Variants in TUSC3 observed in about 807,000 individuals in gnomAD.
TUSC3 encodes dolichyl-diphosphooligosaccharide--protein glycosyltransferase subunit TUSC3.
A neutral mutation model predicts 44.8 loss-of-function variants in TUSC3; 45 were observed. The observed-to-expected ratio is 1.00, with a 90% CI of 0.79 to 1.29. The LOEUF is 1.29. TUSC3 is among the 50% of genes most tolerant of loss of function. TUSC3 has a pLI of 0.00. For missense variants in TUSC3, 519 were observed against 437.9 expected (o/e 1.19, Z -1.65); for synonymous variants, 212 against 152.9 (o/e 1.39, Z -2.85).
intron 2 of TUSC3, among the ~76,000 whole-genome samples, chr8:15,517,141 C>CAGA (rs1261493540): frequency 6.6e-6 from 1 of 152,100 alleles, no homozygotes; most frequent in African/African-American, 2.4e-5. Flanking sequence ...TCCAGGGATT[C>CAGA]TCTAGCAATA....
chr8:15,670,972 G>A (rs1227490968), intron 5 of TUSC3, among the ~76,000 whole-genome samples: 2 of 151,936 alleles, frequency 1.3e-5, no homozygotes, highest in Non-Finnish European at 2.9e-5. Flanking sequence ...AAATGACAGT[G>A]TGACACTATC....
chr8:15,733,388 G>A, intron 7 of TUSC3: 1 of 402,354 alleles, frequency 2.5e-6, no homozygotes, highest in South Asian at 1.9e-5. Flanking sequence ...AATCCATGAT[G>A]TAGCATCTTA....
chr8:15,455,230 C>A (rs911423831), intron 1 of TUSC3, among the ~76,000 whole-genome samples: 5 of 152,122 alleles, frequency 3.3e-5, no homozygotes, highest in Admixed American at 6.6e-5. Flanking sequence ...TCCTCCTCCC[C>A]CAAAACCCCA....
intron 1 of TUSC3, among the ~76,000 whole-genome samples, chr8:15,581,026 CT>C (rs1453137831): frequency 1.8e-5 from 2 of 109,580 alleles, no homozygotes; most frequent in Admixed American, 2.0e-4. Context: ...TCTTTTTATT[CT>C]TTTTTCTCTA....
chr8:15,615,394 G>A (rs2129160853), intron 1 of TUSC3, among the ~76,000 whole-genome samples: 1 of 152,248 alleles, frequency 6.6e-6, no homozygotes, highest in Middle Eastern at 3.4e-3. Context: ...ACTCATATGG[G>A]AGTTAAAAAG....
intron 1 of TUSC3, among the ~76,000 whole-genome samples, chr8:15,450,661 C>T (rs1157060542): frequency 3.3e-5 from 5 of 152,076 alleles, no homozygotes; most frequent in Non-Finnish European, 7.4e-5. Context: ...CAGAGTGAGA[C>T]TCGGTCTCAA....
At chr8:15,447,151 A>G (rs1800116522) in intron 1 of TUSC3, among the ~76,000 whole-genome samples, 1 of 152,140 alleles carries the variant, frequency 6.6e-6, no homozygotes, top group African/African-American at 2.4e-5. Context: ...GCTAAAGACA[A>G]ATTATAAAGA....
At chr8:15,508,864 C>T (rs1460240678) in intron 2 of TUSC3, among the ~76,000 whole-genome samples, 2 of 152,190 alleles carry the variant, frequency 1.3e-5, no homozygotes, top group African/African-American at 4.8e-5. Context: ...CTGTCAACAG[C>T]TTGTAATATA....
chr8:15,604,241 C>G (rs1188722976), intron 1 of TUSC3, among the ~76,000 whole-genome samples: 2 of 151,334 alleles, frequency 1.3e-5, no homozygotes, highest in Non-Finnish European at 3.0e-5. Context: ...TCTTTATACA[C>G]ATAAAGATAG....
intron 2 of TUSC3, among the ~76,000 whole-genome samples, chr8:15,506,831 A>C (rs1010326223): frequency 2.0e-5 from 3 of 152,162 alleles, no homozygotes; most frequent in African/African-American, 7.2e-5. Flanking sequence ...CATTCCAGAA[A>C]GGGCCCTGCC....
chr8:15,732,849 T>A (rs1042182876), intron 7 of TUSC3, among the ~76,000 whole-genome samples: 7 of 152,152 alleles, frequency 4.6e-5, no homozygotes, highest in Non-Finnish European at 8.8e-5. Flanking sequence ...CTGTCTCCAT[T>A]CTCAACATTT....
the TUSC3 span, among the ~76,000 whole-genome samples, chr8:15,823,652 C>G: frequency 6.6e-6 from 1 of 152,070 alleles, no homozygotes; most frequent in African/African-American, 2.4e-5. Context: ...CAAAGTTTCT[C>G]CATATAAAAT....
intron 2 of TUSC3, among the ~76,000 whole-genome samples, chr8:15,643,126 C>T (rs771788408): frequency 1.4e-4 from 22 of 152,116 alleles, no homozygotes; most frequent in Non-Finnish European, 2.9e-4. Context: ...GCTTGGCACT[C>T]CTTCTTCCTG....
At chr8:15,534,069 A>G (rs543205425) in intron 2 of TUSC3, among the ~76,000 whole-genome samples, 2 of 152,286 alleles carry the variant, frequency 1.3e-5, no homozygotes, top group East Asian at 3.9e-4. Flanking sequence ...TTGCTTTGTC[A>G]GGATCAACAT....
intron 6 of TUSC3, among the ~76,000 whole-genome samples, chr8:15,718,152 G>C (rs1343722936): frequency 6.6e-6 from 1 of 152,080 alleles, no homozygotes; most frequent in African/African-American, 2.4e-5. Flanking sequence ...GATGAAAGTA[G>C]TGATTTTGGA....
At chr8:15,459,801 C>A (rs1172055969) in intron 1 of TUSC3, among the ~76,000 whole-genome samples, 1 of 151,798 alleles carries the variant, frequency 6.6e-6, no homozygotes, top group Non-Finnish European at 1.5e-5. Flanking sequence ...GCCATTAATT[C>A]ATTCCCTTTT....
In TUSC3 at chr8:15,429,331, C is replaced by T. The variant is rs187635868; in HGVS notation, n.91+12026C>T. On this transcript the variant is annotated intron_variant and non_coding_transcript_variant, in intron 1 of 5. Transcript: ENST00000503191. ...TCTGTTCTGTTCCATTGATCTATAT[C>T]TCTGTTTTGGTACCAGTACCATGCT... Among the ~76,000 whole-genome samples the T allele has an allele frequency of 3.1e-3, 463 of 149,180 alleles. 8 individuals are homozygous for T. The highest frequency in any genetic ancestry group is 0.027 in the Middle Eastern group (8 of 292).
chr8:15,726,405 T>A (rs1810498667), intron 6 of TUSC3, among the ~76,000 whole-genome samples: 1 of 152,218 alleles, frequency 6.6e-6, no homozygotes, highest in Admixed American at 6.5e-5. Flanking sequence ...AAATTGGGCT[T>A]TAAGTAAGTC....
At chr8:15,723,787 C>T (rs1315796882) in intron 6 of TUSC3, among the ~76,000 whole-genome samples, 1 of 152,108 alleles carries the variant, frequency 6.6e-6, no homozygotes, top group African/African-American at 2.4e-5. Flanking sequence ...GTATCCTTTC[C>T]TGGACATTAG....
Sources: allele counts gnomAD v4.1 joint callset (sites outside exome capture counted in the v4.1 genomes callset), GRCh38; gene constraint gnomAD v4.1.1; transcripts MANE v1.5; gene names NCBI Gene and HGNC (gene_info 2026-07-23, HGNC 2026-07-21).